SYNE1: variants seen among roughly 807,000 people sequenced by gnomAD.
SYNE1 encodes the protein spectrin repeat containing nuclear envelope protein 1.
A neutral mutation model predicts 1,111.0 loss-of-function variants in SYNE1; 616 were observed. The observed-to-expected ratio is 0.55, with a 90% CI of 0.52 to 0.59. The LOEUF is 0.59. Among genes scored for constraint, SYNE1 ranks in the 20% least tolerant of loss-of-function variants. The pLI is 0.00. For synonymous variants in SYNE1, 3,855 were observed against 3,825.8 expected, an observed-to-expected ratio of 1.01 and a Z score of -0.28; for missense variants, 10,006 against 10,417.0, an observed-to-expected ratio of 0.96 and a Z score of 1.72.
chr6:152,483,421 T>A (rs1421758497), intron 13 of SYNE1, among the ~76,000 whole-genome samples, 172 bp from the exon 14 acceptor site: 2 of 152,182 alleles, frequency 1.3e-5, no homozygotes, highest in African/African-American at 4.8e-5. Context: ...ACTTTAGGGA[T>A]GGGGAGAAAA....
At chr6:152,253,615 G>C (rs2089932752) in intron 104 of SYNE1, among the ~76,000 whole-genome samples, 1 of 152,008 alleles carries the variant, frequency 6.6e-6, no homozygotes. Flanking sequence ...ATTATTATCA[G>C]AACAACGTCT....
chr6:152,267,061 A>C (rs1350289967), intron 100 of SYNE1, among the ~76,000 whole-genome samples: 1 of 152,196 alleles, frequency 6.6e-6, no homozygotes, highest in Non-Finnish European at 1.5e-5. Flanking sequence ...ACTTTTGGTT[A>C]AGATTATATA....
chr6:152,544,960 G>A (rs1360195702), intron 3 of SYNE1, among the ~76,000 whole-genome samples: 1 of 152,170 alleles, frequency 6.6e-6, no homozygotes, highest in Non-Finnish European at 1.5e-5. Context: ...CAACTAATAT[G>A]TGATGTAAAA....
intron 145 of SYNE1, chr6:152,125,408 G>A: frequency 6.6e-7 from 1 of 1,509,888 alleles, no homozygotes. Flanking sequence ...GTGTGGACGT[G>A]GGGACATTTT....
In SYNE1 at chr6:152,616,208, T is replaced by G. The variant is rs141413366; in HGVS notation, c.67+12057A>C. On this transcript the variant is annotated intron_variant, in intron 3 of 145. Transcript: ENST00000367255. Reference sequence around the variant, plus strand: ...TTATTTTGAACCCGGAAAGATAAAGTTGTAAGTGATGGGTGGGCTCCCAGG... The same window carrying G: ...TTATTTTGAACCCGGAAAGATAAAGGTGTAAGTGATGGGTGGGCTCCCAGG... Among the ~76,000 whole-genome samples the G allele has an allele frequency of 9.4e-3, 1,426 of 152,132 alleles. 24 individuals carry two copies. Among genetic ancestry groups the G allele is most frequent in the African/African-American group, 0.032 (1,322 of 41,486 alleles).
At chr6:152,269,522 A>G (rs375802258) in intron 98 of SYNE1, among the ~76,000 whole-genome samples, 43 of 152,328 alleles carry the variant, frequency 2.8e-4, no homozygotes, top group African/African-American at 9.9e-4. Flanking sequence ...GGGAAAACCC[A>G]TATATTTAGA....
Position 152,293,090 on chromosome 6 carries a change from T to C in SYNE1, c.18012+498A>G, listed in dbSNP as rs368338729. On this transcript the variant is annotated intron_variant, in intron 95 of 145. Transcript: ENST00000367255. ...TTGCCTAGTTTAACCTTTTAAAAAA[T>C]GATTTAAGTCAGGGACAATCACAAG... 2.0e-3 allele frequency among the ~76,000 whole-genome samples: 303 copies of C among 152,350 alleles called. 2 individuals are homozygous for C. The highest frequency in any genetic ancestry group is 6.7e-3 in the African/African-American group (279 of 41,584).
intron 36 of SYNE1, among the ~76,000 whole-genome samples, chr6:152,429,763 C>T (rs76727195): frequency 6.6e-6 from 1 of 152,132 alleles, no homozygotes; most frequent in African/African-American, 2.4e-5. Flanking sequence ...AATATGAAGA[C>T]AGCTATACAC....
intron 37 of SYNE1, 23 bp downstream of exon 37, chr6:152,428,182 A>G (rs2098388988): frequency 2.5e-6 from 4 of 1,611,612 alleles, no homozygotes; most frequent in Admixed American, 1.7e-5. Context: ...TAGTGCAGCA[A>G]CTCAAGGAAA....
intron 42 of SYNE1, among the ~76,000 whole-genome samples, chr6:152,413,039 A>C (rs1410352154): frequency 1.3e-5 from 2 of 151,986 alleles, no homozygotes; most frequent in Non-Finnish European, 2.9e-5. Flanking sequence ...TTTAGTAGAG[A>C]TGGGATTTCA....
At chr6:152,421,575 T>C (rs1395969978) in intron 39 of SYNE1, among the ~76,000 whole-genome samples, 1 of 152,140 alleles carries the variant, frequency 6.6e-6, no homozygotes, top group Non-Finnish European at 1.5e-5. Flanking sequence ...TTTTGAGTTT[T>C]TATTATGTTC....
Position 152,628,334 on chromosome 6 carries a change from T to A in SYNE1, c.-3A>T. ...GAGGCCCCTCTGGAGGTTGCCATGGTCCCTCCGGAAGCACGAAGCCAACAC... is the reference window on the plus strand; with the variant it reads ...GAGGCCCCTCTGGAGGTTGCCATGGACCCTCCGGAAGCACGAAGCCAACAC... On this transcript the variant is annotated 5_prime_UTR_variant, in exon 3 of 146. Transcript: ENST00000367255. 2 of 1,614,168 alleles carry A rather than the reference T, an allele frequency of 1.2e-6. No individual in the cohort carries two copies. The highest frequency in any genetic ancestry group is 1.7e-6 in the Non-Finnish European group (2 of 1,180,026).
Position 152,239,689 on chromosome 6 carries a change from C to T in SYNE1, c.19911G>A (p.Leu6637=). Residue 6637 remains leucine (L), a synonymous_variant, in exon 108 of 146, where the codon CTG becomes CTA. Coordinates refer to ENST00000367255, the MANE Select transcript of SYNE1 (RefSeq NM_182961.4). ...LDKHKEYFQG[L]ESHMILTETL... is the part of the protein sequence containing the mutation. ...TTTCAGTCAAGATCATATGAGATTC[C>T]AGGCCCTGAAAGTATTCCTGCAATT... 1.2e-6 allele frequency: 2 copies of T among 1,614,154 alleles called. No homozygotes were observed. The highest frequency in any genetic ancestry group is 1.1e-5 in the South Asian group (1 of 91,076).
rs1443197002 is a variant in SYNE1, at chr6:152,415,403, T to C, written c.6050+984A>G. On this transcript the variant is annotated intron_variant, in intron 41 of 145. Transcript: ENST00000367255. ...CCAAGCTGATTGGTTTCACTTTAAA[T>C]GAACACAGAGCTCAAATGACAGTTC... is the stretch of plus-strand genomic sequence containing the variant. 2.6e-5 allele frequency among the ~76,000 whole-genome samples: 4 copies of C among 152,180 alleles called. No individual in the cohort carries two copies. In the East Asian group the frequency reaches 7.7e-4, roughly 29 times the overall value.
intron 98 of SYNE1, 147 bp downstream of exon 98, chr6:152,277,942 A>G: frequency 1.1e-6 from 1 of 889,346 alleles, no homozygotes; most frequent in Non-Finnish European, 1.9e-6. Flanking sequence ...TGTAAACTTA[A>G]AGCTGCATGC....
intron 87 of SYNE1, among the ~76,000 whole-genome samples, chr6:152,313,940 A>T (rs2095631495): frequency 6.6e-6 from 1 of 152,074 alleles, no homozygotes; most frequent in South Asian, 2.1e-4. Context: ...GAAACCTGGG[A>T]ATCATCCTTG....
Position 152,330,208 on chromosome 6 carries a change from T to G in SYNE1, c.14477A>C (p.Gln4826Pro). The part of the protein sequence containing the change: ...KMYHSLAGSL[Q>P]DSGIVLKRVT... ...TCGTTTCAGTACAATCCCTGAGTCCTGGAGACTTCCTGCCAGGGAGTGATA... is the reference window on the plus strand; with the variant it reads ...TCGTTTCAGTACAATCCCTGAGTCCGGGAGACTTCCTGCCAGGGAGTGATA... The change falls in exon 78 of 146, where the codon CAG (glutamine) becomes CCG (proline). Residue 4826 changes from glutamine (Q) to proline (P), a missense_variant. Around this residue, in one of 7 missense-constraint regions of SYNE1, gnomAD observed 4,955 missense variants for 5,017.2 expected, o/e 0.99. Coordinates refer to ENST00000367255, the MANE Select transcript of SYNE1 (RefSeq NM_182961.4). 1.2e-6 allele frequency: 2 copies of G among 1,614,212 alleles called. No individual in the cohort carries two copies. The highest frequency in any genetic ancestry group is 2.2e-5 in the South Asian group (2 of 91,080).
In SYNE1 at chr6:152,230,684, A is replaced by T; in HGVS notation, c.21058T>A (p.Leu7020Ile). 8.1e-6 allele frequency: 13 copies of T among 1,614,048 alleles called. No individual in the cohort carries two copies. The highest frequency in any genetic ancestry group is 1.1e-5 in the Non-Finnish European group (13 of 1,179,954). ...VTEKIQLLEG[L>I]LESWSEYENN... is the part of the protein sequence containing the mutation. ...TCATATTCTGACCAAGATTCCAATA[A>T]GCCTTCCAACAGCTGGATCTGAACA... Residue 7020 changes from leucine (L) to isoleucine (I), a missense_variant, in exon 115 of 146, where the codon TTA (leucine) becomes ATA (isoleucine). By Grantham distance (5) the Leu-to-Ile change is conservative (BLOSUM62 2). Around this residue, in one of 7 missense-constraint regions of SYNE1, gnomAD observed 2,182 missense variants for 2,287.8 expected, o/e 0.95. Coordinates refer to ENST00000367255, the MANE Select transcript of SYNE1 (RefSeq NM_182961.4).
In SYNE1 at chr6:152,208,205, C is replaced by T. The variant is rs1255067190; in HGVS notation, c.22591G>A (p.Asp7531Asn). ...LLEQGQVDDR[D>N]EFNLKLTLLS... ...AGTGTCAATTTCAGGTTGAATTCAT[C>T]CCTAGTGAAGAAATAATTACATGGT... Residue 7531 changes from aspartate (D) to asparagine (N), a missense_variant and splice_region_variant, in exon 125 of 146, where the codon GAT becomes AAT. This residue lies in a region of SYNE1 where 2,182 missense variants were observed against 2,287.8 expected (regional missense o/e 0.95). Transcript: ENST00000367255. 6.2e-7 allele frequency: 1 copy of T among 1,613,432 alleles called. No homozygotes were observed. Among genetic ancestry groups the T allele is most frequent in the South Asian group, 1.1e-5 (1 of 91,066 alleles).
Sources: allele counts gnomAD v4.1 joint callset (sites outside exome capture counted in the v4.1 genomes callset), GRCh38; gene constraint gnomAD v4.1.1; regional missense constraint gnomAD v4.1.1; transcripts MANE v1.5; gene names NCBI Gene and HGNC (gene_info 2026-07-23, HGNC 2026-07-21).